SEMA6D: variants seen among roughly 807,000 people sequenced by gnomAD.
SEMA6D encodes semaphorin-6D.
In SEMA6D, 35 loss-of-function variants were observed where a neutral mutation model predicts 106.6. The ratio of observed to expected loss-of-function variants is 0.33; its 90% confidence interval spans 0.25 to 0.44. The LOEUF (loss-of-function observed/expected upper bound fraction) is 0.44. SEMA6D is among the 20% of genes least tolerant of loss of function. The pLI is 1.00. For missense variants in SEMA6D, 1,185 were observed against 1,345.9 expected (o/e 0.88, Z 1.87); for synonymous variants, 499 against 487.7 (o/e 1.02, Z -0.31).
chr15:47,215,513 CATAT>C (rs1207215610), intron 1 of SEMA6D, among the ~76,000 whole-genome samples: 1 of 151,936 alleles, frequency 6.6e-6, no homozygotes, highest in Non-Finnish European at 1.5e-5. Flanking sequence ...GAATTTAGCT[CATAT>C]ATATTTACAA....
Position 47,773,677 on chromosome 15 carries a change from C to T in SEMA6D, c.*1892C>T, listed in dbSNP as rs571298217. ...TTAAAGAACATTGTTTTATAAAGAA[C>T]GTGATTTCCAGTGATCTCTGGAAGC... On this transcript the variant is annotated 3_prime_UTR_variant, in exon 19 of 19. Coordinates refer to ENST00000536845, the MANE Select transcript of SEMA6D (RefSeq NM_001358351.3). 3 of 152,620 alleles carry T rather than the reference C, an allele frequency of 2.0e-5. No homozygotes were observed. The highest frequency in any genetic ancestry group is 2.4e-5 in the African/African-American group (1 of 41,530). The allele number at this position is 152,620 out of a possible 1,614,324, so 9.5% of individuals were successfully genotyped here.
chr15:47,334,868 A>G (rs1358399346), intron 1 of SEMA6D, among the ~76,000 whole-genome samples: 9 of 152,204 alleles, frequency 5.9e-5, no homozygotes, highest in African/African-American at 2.4e-5. Flanking sequence ...GCCTTATTGG[A>G]TATGCAAGAG....
intron 1 of SEMA6D, among the ~76,000 whole-genome samples, chr15:47,307,944 T>C (rs1387214780): frequency 6.6e-6 from 1 of 152,178 alleles, no homozygotes; most frequent in Non-Finnish European, 1.5e-5. Context: ...TGTTTACCAA[T>C]TTAATCAAGA....
chr15:47,726,194 A>G (rs1046962804), intron 1 of SEMA6D, among the ~76,000 whole-genome samples: 2 of 152,248 alleles, frequency 1.3e-5, no homozygotes, highest in African/African-American at 4.8e-5. Context: ...AATAACAGCT[A>G]GCACTTACTG....
chr15:47,596,526 A>G (rs1050720226), intron 3 of SEMA6D, among the ~76,000 whole-genome samples: 5 of 152,168 alleles, frequency 3.3e-5, no homozygotes, highest in Non-Finnish European at 7.4e-5. Context: ...ATTTGACTTT[A>G]AACTATATTA....
intron 4 of SEMA6D, among the ~76,000 whole-genome samples, chr15:47,619,263 G>A (rs1365597269): frequency 3.3e-5 from 5 of 152,176 alleles, no homozygotes; most frequent in African/African-American, 1.2e-4. Flanking sequence ...TGTGTGTGTT[G>A]GTTGAGTGGT....
At chr15:47,276,285 A>G (rs1172445926) in intron 1 of SEMA6D, among the ~76,000 whole-genome samples, 1 of 152,170 alleles carries the variant, frequency 6.6e-6, no homozygotes, top group Non-Finnish European at 1.5e-5. Flanking sequence ...TGGCTACTCT[A>G]AACAACAGAT....
chr15:47,340,667 C>T (rs2037778652), intron 1 of SEMA6D, among the ~76,000 whole-genome samples: 1 of 152,214 alleles, frequency 6.6e-6, no homozygotes, highest in African/African-American at 2.4e-5. Context: ...ATGAACACAT[C>T]ATGCCTACGT....
chr15:47,526,960 AAC>A (rs766840417), intron 3 of SEMA6D, among the ~76,000 whole-genome samples: 44 of 152,058 alleles, frequency 2.9e-4, no homozygotes, highest in Non-Finnish European at 5.7e-4. Context: ...GCTGATCTCG[AAC>A]TCCTGAGCTC....
At chr15:47,297,071 A>G (rs1176964714) in intron 1 of SEMA6D, among the ~76,000 whole-genome samples, 2 of 152,176 alleles carry the variant, frequency 1.3e-5, no homozygotes. Context: ...TGTCTTATTC[A>G]AGGGCACACA....
chr15:47,749,781 A>C (rs1051402428), intron 1 of SEMA6D, among the ~76,000 whole-genome samples: 3 of 152,222 alleles, frequency 2.0e-5, no homozygotes, highest in Non-Finnish European at 4.4e-5. Context: ...GTAGTGAAGA[A>C]GGTAAGTGTC....
intron 4 of SEMA6D, among the ~76,000 whole-genome samples, chr15:47,674,148 G>A (rs573790012): frequency 6.6e-6 from 1 of 152,116 alleles, no homozygotes; most frequent in African/African-American, 2.4e-5. Flanking sequence ...GACCCCCTTG[G>A]GTCTGAGCCC....
intron 1 of SEMA6D, among the ~76,000 whole-genome samples, chr15:47,226,808 C>G (rs912824069): frequency 1.3e-5 from 2 of 152,102 alleles, no homozygotes; most frequent in African/African-American, 4.8e-5. Flanking sequence ...CCTGTAGTCT[C>G]CCTGTCTCTG....
At chr15:47,476,145 T>C (rs1282960165) in intron 3 of SEMA6D, among the ~76,000 whole-genome samples, 1 of 152,158 alleles carries the variant, frequency 6.6e-6, no homozygotes, top group African/African-American at 2.4e-5. Context: ...GAACTCTGTA[T>C]TTGAGGTGCT....
chr15:47,509,700 G>T (rs896974547), intron 3 of SEMA6D, among the ~76,000 whole-genome samples: 2 of 152,164 alleles, frequency 1.3e-5, no homozygotes, highest in East Asian at 3.9e-4. Context: ...GATGAAAATA[G>T]CTGCTGAAAT....
At chr15:47,631,773 G>A (rs2077297550) in intron 4 of SEMA6D, among the ~76,000 whole-genome samples, 2 of 151,952 alleles carry the variant, frequency 1.3e-5, no homozygotes, top group Admixed American at 1.3e-4. Flanking sequence ...AGAACTATAA[G>A]AGAATGAATG....
intron 1 of SEMA6D, among the ~76,000 whole-genome samples, chr15:47,186,087 G>A (rs1893551376): frequency 6.6e-6 from 1 of 151,966 alleles, no homozygotes; most frequent in Non-Finnish European, 1.5e-5. Context: ...ATATATATGT[G>A]TGTGCATATA....
intron 4 of SEMA6D, among the ~76,000 whole-genome samples, chr15:47,711,291 C>A (rs2079016459): frequency 9.2e-6 from 1 of 108,822 alleles, no homozygotes; most frequent in South Asian, 3.3e-4. Flanking sequence ...GCCTGGGCGA[C>A]AGAGCGAGAC....
At chr15:47,471,480 T>G (rs1422199896) in intron 3 of SEMA6D, among the ~76,000 whole-genome samples, 1 of 152,208 alleles carries the variant, frequency 6.6e-6, no homozygotes, top group African/African-American at 2.4e-5. Flanking sequence ...ATTCAACTCC[T>G]TCAGTAATTT....
Sources: gnomAD v4.1 joint callset for allele counts (sites outside exome capture counted in the v4.1 genomes callset) on GRCh38, gnomAD v4.1.1 for gene constraint, MANE v1.5 for transcripts, NCBI Gene and HGNC (gene_info 2026-07-23, HGNC 2026-07-21) for gene names.